The following SLC6A2 variants were observed in gnomAD, a reference collection of about 807,000 sequenced individuals.
SLC6A2 encodes the protein solute carrier family 6 member 2.
SLC6A2 carries 26 observed loss-of-function variants against 71.7 expected under a neutral mutation model. The ratio of observed to expected loss-of-function variants is 0.36; its 90% confidence interval spans 0.27 to 0.50. The LOEUF (loss-of-function observed/expected upper bound fraction) is 0.50, where lower values mean the gene tolerates loss of function less well. Among genes scored for constraint, SLC6A2 ranks in the 20% least tolerant of loss-of-function variants. SLC6A2 has a pLI of 0.96. For missense variants in SLC6A2, 581 were observed against 803.9 expected (o/e 0.72, Z 3.35); for synonymous variants, 363 against 337.9 (o/e 1.07, Z -0.82).
At chr16:55,683,925 G>A (rs1965363250) in intron 4 of SLC6A2, among the ~76,000 whole-genome samples, 2 of 152,084 alleles carry the variant, frequency 1.3e-5, no homozygotes, top group African/African-American at 4.8e-5. Flanking sequence ...GGAGTCAGAC[G>A]GAAGTGCTCT....
intron 5 of SLC6A2, among the ~76,000 whole-genome samples, chr16:55,690,640 G>A (rs1965588619): frequency 6.6e-6 from 1 of 152,100 alleles, no homozygotes; most frequent in Non-Finnish European, 1.5e-5. Context: ...TTTCAGCAAG[G>A]CTACCCATGG....
rs1285700171 is a variant in SLC6A2 at position 55,656,667 on chromosome 16, G to A, written c.-28G>A. On this transcript the variant is annotated 5_prime_UTR_variant, in exon 2 of 15. Transcript: ENST00000568943. The surrounding 1 kb of genome is among the most constrained non-coding windows in gnomAD (Gnocchi z 4.5). ...AGAGCCTCGGCGTGCCCCCAGGACC[G>A]GTAAAGTTCCTCTCGCCAGCCGCAT... is the stretch of plus-strand genomic sequence containing the variant. The A allele has an allele frequency of 6.2e-7, 1 of 1,611,080 alleles. No individual in the cohort carries two copies. The highest frequency in any genetic ancestry group is 8.5e-7 in the Non-Finnish European group (1 of 1,179,848).
rs1432771211 is a variant in SLC6A2, at chr16:55,672,165, G to A, written c.634G>A (p.Glu212Lys). The stretch of plus-strand genomic sequence containing the variant: ...CAAGTACAAGTTCACGCCGGCAGCC[G>A]AGTTTTATGAGTAAGTCACAGACCC... ...YSKYKFTPAA[E>K]FYERGVLHLH... Residue 212 changes from glutamate to lysine, a missense_variant, in exon 4 of 15, where the codon GAG becomes AAG. Around this residue, in one of 5 missense-constraint regions of SLC6A2, gnomAD observed 87 missense variants for 99.5 expected, o/e 0.87. Coordinates refer to ENST00000568943, the MANE Select transcript of SLC6A2 (RefSeq NM_001172501.3). The A allele has an allele frequency of 6.2e-7, 1 of 1,614,162 alleles. No homozygotes were observed. The highest frequency in any genetic ancestry group is 8.5e-7 in the Non-Finnish European group (1 of 1,180,036).
intron 3 of SLC6A2, among the ~76,000 whole-genome samples, chr16:55,671,073 C>A (rs1045002361): frequency 4.6e-5 from 7 of 152,180 alleles, no homozygotes; most frequent in African/African-American, 1.7e-4. Context: ...GGCTGAAGTT[C>A]CAATCAGGGA....
rs753018279 is a variant in SLC6A2, at chr16:55,685,173, C to T, written c.675C>T (p.Ser225=). ...ERGVLHLHES[S]GIHDIGLPQW... ...GTGTCCTGCACCTTCACGAGAGCAG[C>T]GGGATTCATGACATCGGCCTGCCCC... The change falls in exon 5 of 15, where the codon AGC becomes AGT. Residue 225 remains serine, a synonymous_variant. Coordinates refer to ENST00000568943, the MANE Select transcript of SLC6A2 (RefSeq NM_001172501.3). The T allele has an allele frequency of 1.4e-5, 23 of 1,614,004 alleles. No individual in the cohort carries two copies. The highest frequency in any genetic ancestry group is 1.7e-5 in the Admixed American group (1 of 60,004).
intron 5 of SLC6A2, among the ~76,000 whole-genome samples, chr16:55,690,857 A>G (rs1247955291): frequency 6.6e-6 from 1 of 152,132 alleles, no homozygotes; most frequent in Non-Finnish European, 1.5e-5. Flanking sequence ...ATAGCAAGGA[A>G]ACCTATATAA....
intron 8 of SLC6A2, 78 bp from the exon 9 acceptor site, chr16:55,696,147 C>A: frequency 1.1e-6 from 1 of 873,782 alleles, no homozygotes; most frequent in Non-Finnish European, 2.0e-6. Flanking sequence ...AACAATTGGG[C>A]CCCCAGATAC....
At chr16:55,662,043 C>T (rs1280558111) in intron 2 of SLC6A2, among the ~76,000 whole-genome samples, 2 of 152,174 alleles carry the variant, frequency 1.3e-5, no homozygotes, top group African/African-American at 4.8e-5. Context: ...CACAATGAGC[C>T]AGCCAGCTGG....
At chr16:55,700,364 G>A (rs1965935855) in intron 13 of SLC6A2, 58 bp downstream of exon 13, 6 of 1,463,562 alleles carry the variant, frequency 4.1e-6, no homozygotes, top group Non-Finnish European at 5.6e-6. Context: ...GGGAAGACGG[G>A]ACGACTCTCA....
intron 4 of SLC6A2, among the ~76,000 whole-genome samples, chr16:55,674,297 C>T (rs556071255): frequency 3.3e-5 from 5 of 152,264 alleles, no homozygotes; most frequent in Non-Finnish European, 7.4e-5. Context: ...ATTTGGTTTT[C>T]TGTTCCTGGA....
Position 55,704,998 on chromosome 16 carries a change from A to G in SLC6A2, c.*2652A>G. ...GAGAGTATGGGCTTTATGTTAAGTCATCTTTGACTTCCTTTTTGTAGCTTG... is the reference window on the plus strand; with the variant it reads ...GAGAGTATGGGCTTTATGTTAAGTCGTCTTTGACTTCCTTTTTGTAGCTTG... On this transcript the variant is annotated 3_prime_UTR_variant, in exon 15 of 15. Coordinates refer to ENST00000568943, the MANE Select transcript of SLC6A2 (RefSeq NM_001172501.3). 1 of 478,938 alleles carries G rather than the reference A, an allele frequency of 2.1e-6. No individual in the cohort carries two copies. Among genetic ancestry groups the G allele is most frequent in the Non-Finnish European group, 3.7e-6 (1 of 271,076 alleles). 29.7% of individuals were successfully genotyped at this position (478,938 alleles called of 1,614,324 possible).
Position 55,656,502 on chromosome 16 carries a change from CG to C in SLC6A2, c.-51-140del. ...AACCTCTGTTTCCAAATTTTTCCAGCGGACGCGCGCCCTTTTCTGGGAACCC... is the reference window on the plus strand; with the variant it reads ...AACCTCTGTTTCCAAATTTTTCCAGCGACGCGCGCCCTTTTCTGGGAACCC... On this transcript the variant is annotated intron_variant, in intron 1 of 14. Coordinates refer to ENST00000568943, the MANE Select transcript of SLC6A2 (RefSeq NM_001172501.3). This position sits in a 1 kb window ranked among gnomAD's most constrained non-coding sequence, Gnocchi z 4.5. 1 of 672,338 alleles carries C rather than the reference CG, an allele frequency of 1.5e-6. No homozygotes were observed. The highest frequency in any genetic ancestry group is 2.5e-6 in the Non-Finnish European group (1 of 392,376). 41.6% of individuals were successfully genotyped at this position (672,338 alleles called of 1,614,324 possible).
At chr16:55,701,720 G>A (rs1334815192) in intron 13 of SLC6A2, 143 bp from the exon 14 acceptor site, 4 of 724,356 alleles carry the variant, frequency 5.5e-6, no homozygotes, top group Non-Finnish European at 7.7e-6. Flanking sequence ...CAAAGCTGGA[G>A]GTGTCTTGTA....
intron 5 of SLC6A2, among the ~76,000 whole-genome samples, chr16:55,686,341 T>C (rs1341169691): frequency 6.6e-6 from 1 of 152,200 alleles, no homozygotes; most frequent in African/African-American, 2.4e-5. Flanking sequence ...CTTGGGCTTC[T>C]CACAGCATGG....
At chr16:55,700,456 C>T (rs1473004443) in intron 13 of SLC6A2, 150 bp downstream of exon 13, 4 of 659,824 alleles carry the variant, frequency 6.1e-6, no homozygotes, top group Non-Finnish European at 1.0e-5. Context: ...GGTTATTTTC[C>T]CCCATGAGCC....
intron 2 of SLC6A2, among the ~76,000 whole-genome samples, chr16:55,664,800 G>T (rs1299820145): frequency 1.3e-5 from 2 of 152,146 alleles, no homozygotes; most frequent in Non-Finnish European, 2.9e-5. Context: ...AGGCATGAAG[G>T]CCTGCCCTAC....
chr16:55,696,480 C>A, intron 9 of SLC6A2, 143 bp downstream of exon 9: 38 of 672,158 alleles, frequency 5.7e-5, no homozygotes, highest in Admixed American at 4.2e-4. Flanking sequence ...TAAATGCAGA[C>A]AAAAAAAGTG....
rs568846590 is a variant in SLC6A2, at chr16:55,701,816, G to T, written c.1759-47G>T. 23 of 1,463,702 alleles carry T rather than the reference G, an allele frequency of 1.6e-5. No homozygotes were observed. In the South Asian group the frequency reaches 2.6e-4, roughly 17 times the overall value. 90.7% of individuals were successfully genotyped at this position (1,463,702 alleles called of 1,614,324 possible). On this transcript the variant is annotated intron_variant, in intron 13 of 14. Transcript: ENST00000568943. ...GGGGTGCAGCCAGGCTGCCAGAAGGGTGTCCCTGGGCCAAGCTGAGGCCTC... is the reference window on the plus strand; with the variant it reads ...GGGGTGCAGCCAGGCTGCCAGAAGGTTGTCCCTGGGCCAAGCTGAGGCCTC...
chr16:55,681,292 C>G (rs1331561581), intron 4 of SLC6A2, among the ~76,000 whole-genome samples: 5 of 152,220 alleles, frequency 3.3e-5, no homozygotes, highest in Non-Finnish European at 7.3e-5. Context: ...AATGCTTACA[C>G]GCACTACTGT....
Sources: allele counts gnomAD v4.1 joint callset (sites outside exome capture counted in the v4.1 genomes callset), GRCh38; gene constraint gnomAD v4.1.1; regional missense constraint gnomAD v4.1.1; non-coding constraint Gnocchi (gnomAD v3.1); transcripts MANE v1.5; gene names NCBI Gene and HGNC (gene_info 2026-07-23, HGNC 2026-07-21).